Variants in CROCC observed in about 807,000 individuals in gnomAD.
CROCC encodes the protein rootletin.
CROCC carries 180 observed loss-of-function variants against 245.2 expected under a neutral mutation model. The ratio of observed to expected loss-of-function variants is 0.73; its 90% CI spans 0.65 to 0.83. The LOEUF (loss-of-function observed/expected upper bound fraction) is 0.83. CROCC is among the 40% of genes least tolerant of loss of function. The pLI, the probability that CROCC is intolerant of heterozygous loss-of-function variation, is 0.00. For synonymous variants in CROCC, 1,205 were observed against 1,241.6 expected (o/e 0.97, Z 0.62); for missense variants, 2,688 against 2,779.4 (o/e 0.97, Z 0.74).
intron 1 of CROCC, 30 bp from the exon 2 acceptor site, chr1:16,922,633 C>T (rs74056000): frequency 0.054 from 83,043 of 1,526,274 alleles, 1 homozygote; most frequent in Admixed American, 0.075. Context: ...GGTCCCATGT[C>T]CCCTGAAGAC....
chr1:16,937,798 G>A (rs1476081694), intron 10 of CROCC, 61 bp downstream of exon 10: 3 of 1,463,124 alleles, frequency 2.1e-6, no homozygotes, highest in African/African-American at 1.4e-5. Flanking sequence ...CAGATCCATG[G>A]ACGCAGGCTT....
chr1:16,969,343 C>G lies in CROCC; in HGVS notation c.5301+3C>G, dbSNP rs779724762. On this transcript the variant is annotated splice_donor_region_variant and intron_variant, in intron 32 of 36. Transcript: ENST00000375541. ...AACATGACCGCCAAGTACTCCAGGTCTCGGGCCCAGGGTCTGGCTGGGGTG... is the reference window on the plus strand; with the variant it reads ...AACATGACCGCCAAGTACTCCAGGTGTCGGGCCCAGGGTCTGGCTGGGGTG... The G allele has an allele frequency of 3.1e-6, 5 of 1,608,340 alleles. No individual in the cohort carries two copies. Among genetic ancestry groups the G allele is most frequent in the Non-Finnish European group, 3.4e-6 (4 of 1,178,084 alleles).
At chr1:16,929,793 G>A in intron 3 of CROCC, 53 bp from the exon 4 acceptor site, 1 of 1,475,704 alleles carries the variant, frequency 6.8e-7, no homozygotes, top group East Asian at 2.5e-5. Context: ...ACAGAAGCCT[G>A]AGCCTGCCTT....
Position 16,969,774 on chromosome 1 carries a change from C to T in CROCC, c.5302-11C>T, listed in dbSNP as rs755876994. 3 of 1,610,958 alleles carry T rather than the reference C, an allele frequency of 1.9e-6. No individual in the cohort carries two copies. The highest frequency in any genetic ancestry group is 4.5e-5 in the East Asian group (2 of 44,860). ...CAGGCCAGCCAGGCACCATCAGCCC[C>T]TGTCCCCCAGGAACGGCTGGATGCC... On this transcript the variant is annotated splice_polypyrimidine_tract_variant and intron_variant, in intron 32 of 36. Transcript: ENST00000375541.
intron 8 of CROCC, among the ~76,000 whole-genome samples, chr1:16,933,467 GA>G (rs554919180): frequency 6.6e-6 from 1 of 151,528 alleles, no homozygotes; most frequent in South Asian, 2.1e-4. Flanking sequence ...ACTCTGTCTC[GA>G]AAAAAAAAGT....
At chr1:16,955,942 G>C in intron 24 of CROCC, 55 bp from the exon 25 acceptor site, 1 of 1,544,114 alleles carries the variant, frequency 6.5e-7, no homozygotes, top group Non-Finnish European at 8.7e-7. Flanking sequence ...CTTTTGTGTA[G>C]AGCCACTGAC....
chr1:16,921,854 C>G (rs1465596016), upstream of CROCC: 1 of 692,648 alleles, frequency 1.4e-6, no homozygotes, highest in South Asian at 1.8e-5. Flanking sequence ...CCTCCTCAGC[C>G]CACATCCTGC....
intron 25 of CROCC, among the ~76,000 whole-genome samples, chr1:16,957,646 T>G (rs924250593): frequency 1.3e-5 from 2 of 152,086 alleles, no homozygotes; most frequent in African/African-American, 4.8e-5. Context: ...GGTTTCACCA[T>G]GTGGGCCAGG....
intron 3 of CROCC, among the ~76,000 whole-genome samples, chr1:16,927,721 T>A (rs2075567696): frequency 6.6e-6 from 1 of 152,270 alleles, no homozygotes; most frequent in African/African-American, 2.4e-5. Context: ...TGTGGCTGCC[T>A]CAGGCCACCG....
In CROCC at chr1:16,953,400, G is replaced by A; in HGVS notation, c.3105G>A (p.Lys1035=). 1 of 1,610,882 alleles carries A rather than the reference G, an allele frequency of 6.2e-7. No individual in the cohort carries two copies. Among genetic ancestry groups the A allele is most frequent in the Non-Finnish European group, 8.5e-7 (1 of 1,179,858 alleles). ...TGCTGGCCCGGCTGGAGGCTGAGAA[G>A]GAAGAGCTGAGTGAGGAGATTGCTG... ...EELLARLEAE[K]EELSEEIAAL... The change falls in exon 21 of 37, where the codon AAG becomes AAA. Residue 1035 remains lysine, a synonymous_variant. Coordinates refer to ENST00000375541, the MANE Select transcript of CROCC (RefSeq NM_014675.5).
rs187530018 is a variant in CROCC, at chr1:16,963,696, C to T, written c.4406-2027C>T. 2.0e-4 allele frequency among the ~76,000 whole-genome samples: 30 copies of T among 152,272 alleles called. 1 individual carries two copies. The East Asian group carries it at 4.5e-3, about 23-fold the overall frequency. ...ACCCGCCCTGCCCCCTCCACCTCCCCGGGCCATCACTCCAAGCAGGAGTGC... is the reference window on the plus strand; with the variant it reads ...ACCCGCCCTGCCCCCTCCACCTCCCTGGGCCATCACTCCAAGCAGGAGTGC... On this transcript the variant is annotated intron_variant, in intron 27 of 36. Coordinates refer to ENST00000375541, the MANE Select transcript of CROCC (RefSeq NM_014675.5).
chr1:16,962,979 C>T (rs1281527538), intron 27 of CROCC, among the ~76,000 whole-genome samples: 3 of 150,910 alleles, frequency 2.0e-5, no homozygotes, highest in African/African-American at 7.3e-5. Context: ...GCCAGGAGTT[C>T]AAGACCAGCC....
intron 27 of CROCC, among the ~76,000 whole-genome samples, chr1:16,964,875 G>A (rs148743305): frequency 0.02 from 3,014 of 152,164 alleles, 98 homozygotes; most frequent in African/African-American, 0.069. Context: ...TAGAGATGGG[G>A]TTTCACTAGT....
At chr1:16,949,263 T>C (rs1002111409) in intron 19 of CROCC, among the ~76,000 whole-genome samples, 5 of 152,350 alleles carry the variant, frequency 3.3e-5, no homozygotes, top group African/African-American at 1.2e-4. Context: ...TAGTCTGAGT[T>C]CTCTGTGCTT....
Position 16,954,842 on chromosome 1 carries a change from G to A in CROCC, c.3430G>A (p.Asp1144Asn). Residue 1144 changes from aspartate (D) to asparagine (N), a missense_variant, in exon 23 of 37, where the codon GAC (aspartate) becomes AAC (asparagine). Transcript: ENST00000375541. This position sits in a 1 kb window ranked among gnomAD's most constrained non-coding sequence, Gnocchi z 4.4. ...GAGGAGGCTGCAAGAGCAGGCCCGAGACCTGGGCAAGCAGCGGGACTCCTG... is the reference window on the plus strand; with the variant it reads ...GAGGAGGCTGCAAGAGCAGGCCCGAAACCTGGGCAAGCAGCGGGACTCCTG... ...EVRRLQEQAR[D>N]LGKQRDSCLR... 6.5e-7 allele frequency: 1 copy of A among 1,545,526 alleles called. No individual in the cohort carries two copies. Among genetic ancestry groups the A allele is most frequent in the Non-Finnish European group, 8.8e-7 (1 of 1,142,332 alleles).
chr1:16,947,218 T>C (rs1183307041), intron 17 of CROCC, among the ~76,000 whole-genome samples: 1 of 152,286 alleles, frequency 6.6e-6, no homozygotes, highest in African/African-American at 2.4e-5. Context: ...GGCTCACGCC[T>C]ATAATCCCAG....
At chr1:16,934,450 C>G (rs547981363) in intron 8 of CROCC, among the ~76,000 whole-genome samples, 1 of 152,350 alleles carries the variant, frequency 6.6e-6, no homozygotes, top group East Asian at 1.9e-4. Flanking sequence ...CAAGTGTGCA[C>G]CACTATATCT....
At chr1:16,941,832 A>G (rs2075941084) in intron 13 of CROCC, among the ~76,000 whole-genome samples, 1 of 152,174 alleles carries the variant, frequency 6.6e-6, no homozygotes, top group Admixed American at 6.5e-5. Flanking sequence ...CTGTCATCTC[A>G]GCGAGTTCTA....
At chr1:16,939,387 T>G (rs1340671339) in intron 12 of CROCC, among the ~76,000 whole-genome samples, 3 of 151,078 alleles carry the variant, frequency 2.0e-5, no homozygotes, top group Non-Finnish European at 4.4e-5. Context: ...CAGCTGGGGG[T>G]GGGTGCTTGG....
Sources: gnomAD v4.1 joint callset for allele counts (sites outside exome capture counted in the v4.1 genomes callset) on GRCh38, gnomAD v4.1.1 for gene constraint, Gnocchi (gnomAD v3.1) non-coding constraint, MANE v1.5 for transcripts, NCBI Gene and HGNC (gene_info 2026-07-23, HGNC 2026-07-21) for gene names.